Variants in CSTPP1 observed in about 807,000 individuals in gnomAD.
The protein encoded by CSTPP1 is UPF0705 protein C11orf49.
the CSTPP1 span, among the ~76,000 whole-genome samples, chr11:46,975,239 T>C: frequency 6.6e-6 from 1 of 152,172 alleles, no homozygotes; most frequent in African/African-American, 2.4e-5. Context: ...ATCACACCAC[T>C]GCACTCCAGC....
At chr11:47,021,222 A>G in the CSTPP1 span, among the ~76,000 whole-genome samples, 7 of 152,192 alleles carry the variant, frequency 4.6e-5, no homozygotes, top group Non-Finnish European at 7.4e-5. Flanking sequence ...GCACCTGGTC[A>G]TTCTGAAAGC....
chr11:46,997,947 C>T, the CSTPP1 span, among the ~76,000 whole-genome samples: 3 of 152,150 alleles, frequency 2.0e-5, no homozygotes, highest in East Asian at 1.9e-4. Context: ...GGCACCCAGC[C>T]GTATGAAGTG....
At chr11:46,966,445 A>G in the CSTPP1 span, among the ~76,000 whole-genome samples, 1 of 152,050 alleles carries the variant, frequency 6.6e-6, no homozygotes. Context: ...CAAAATTTTA[A>G]TTTTTCATGT....
the CSTPP1 span, among the ~76,000 whole-genome samples, chr11:46,986,690 A>G: frequency 2.0e-5 from 3 of 151,652 alleles, no homozygotes; most frequent in South Asian, 2.1e-4. Flanking sequence ...CTGGTCTCGA[A>G]CTCCTGACCT....
the CSTPP1 span, among the ~76,000 whole-genome samples, chr11:47,104,657 G>A: frequency 6.6e-6 from 1 of 152,170 alleles, no homozygotes; most frequent in African/African-American, 2.4e-5. Context: ...AACATCAAAT[G>A]AGGTTAACGA....
chr11:47,039,477 C>G, the CSTPP1 span, among the ~76,000 whole-genome samples: 1 of 126,226 alleles, frequency 7.9e-6, no homozygotes, highest in African/African-American at 2.5e-5. Context: ...AGAGGGAGAC[C>G]GTGGGGAGAG....
At chr11:46,954,603 G>T in the CSTPP1 span, among the ~76,000 whole-genome samples, 1 of 152,036 alleles carries the variant, frequency 6.6e-6, no homozygotes, top group African/African-American at 2.4e-5. Context: ...GGAGAATCCA[G>T]AGAGCGCAAA....
the CSTPP1 span, among the ~76,000 whole-genome samples, chr11:47,054,349 G>C: frequency 3.3e-5 from 5 of 150,600 alleles, no homozygotes; most frequent in African/African-American, 1.2e-4. Flanking sequence ...TGTTGCCCAG[G>C]CTGGAGTGCA....
the CSTPP1 span, chr11:47,164,109 C>T: frequency 1.9e-6 from 3 of 1,612,164 alleles, no homozygotes; most frequent in East Asian, 6.7e-5. Context: ...GAGGTCGAAG[C>T]TGCACCGGAC....
the CSTPP1 span, among the ~76,000 whole-genome samples, chr11:47,083,442 T>A: frequency 6.6e-6 from 1 of 152,182 alleles, no homozygotes; most frequent in Non-Finnish European, 1.5e-5. Flanking sequence ...GTGAACATGT[T>A]TTCAGTTCTC....
At chr11:47,147,799 G>A in the CSTPP1 span, among the ~76,000 whole-genome samples, 14 of 152,176 alleles carry the variant, frequency 9.2e-5, no homozygotes, top group Admixed American at 5.2e-4. Context: ...GAATGTCTGC[G>A]TTCTCCATAA....
At chr11:47,101,177 TTTTTTTTTTTTTATTTTA>T in the CSTPP1 span, among the ~76,000 whole-genome samples, 13 of 91,928 alleles carry the variant, frequency 1.4e-4, no homozygotes, top group South Asian at 2.1e-3. Flanking sequence ...TTTTTTTTTT[TTTTTTTTTTTTTATTTTA>T]TTTTTAGTAG....
chr11:46,997,019 G>C, the CSTPP1 span, among the ~76,000 whole-genome samples: 1 of 152,124 alleles, frequency 6.6e-6, no homozygotes, highest in African/African-American at 2.4e-5. Context: ...TGATGAATCT[G>C]ACAATTTTGT....
chr11:47,162,770 T>C, the CSTPP1 span, among the ~76,000 whole-genome samples: 2 of 152,056 alleles, frequency 1.3e-5, no homozygotes, highest in African/African-American at 2.4e-5. Context: ...TGAAGGTGGA[T>C]GTCACCACTA....
At chr11:46,945,593 C>T in the CSTPP1 span, among the ~76,000 whole-genome samples, 352 of 151,964 alleles carry the variant, frequency 2.3e-3, no homozygotes, top group African/African-American at 8.1e-3. Flanking sequence ...CCAGCCTGGG[C>T]GACAGAGCAA....
the CSTPP1 span, among the ~76,000 whole-genome samples, chr11:47,163,797 C>T: frequency 6.6e-6 from 1 of 151,932 alleles, no homozygotes; most frequent in African/African-American, 2.4e-5. Flanking sequence ...TGCACCACAC[C>T]GCCCCCACCC....
chr11:47,137,040 T>G, the CSTPP1 span, among the ~76,000 whole-genome samples: 1 of 152,228 alleles, frequency 6.6e-6, no homozygotes, highest in Non-Finnish European at 1.5e-5. Context: ...TTGCCTTGAC[T>G]GTATATCTTG....
the CSTPP1 span, chr11:47,157,905 G>C: frequency 5.6e-6 from 9 of 1,613,804 alleles, no homozygotes; most frequent in East Asian, 2.0e-4. Context: ...AAGCACCGTG[G>C]AATCAACCAA....
chr11:47,138,018 C>A, the CSTPP1 span: 1 of 498,572 alleles, frequency 2.0e-6, no homozygotes, highest in East Asian at 3.5e-5. Context: ...TACCCCCACA[C>A]ACACACACCC....
Sources: allele counts gnomAD v4.1 joint callset (sites outside exome capture counted in the v4.1 genomes callset), GRCh38; gene constraint gnomAD v4.1.1; transcripts MANE v1.5; gene names NCBI Gene and HGNC (gene_info 2026-07-23, HGNC 2026-07-21).